TRIM24: variants seen among roughly 807,000 people sequenced by gnomAD.
TRIM24 encodes the protein tripartite motif containing 24, also known as transcription intermediary factor 1-alpha.
Under a neutral mutation model 123.9 loss-of-function variants are expected in TRIM24, and 29 were observed. The ratio of observed to expected loss-of-function variants is 0.23; its 90% CI spans 0.17 to 0.32. The LOEUF is 0.32. Ranked by LOEUF, TRIM24 falls within the 10% of genes least tolerant of loss-of-function variation. TRIM24 has a pLI of 1.00. For synonymous variants in TRIM24, 456 were observed against 461.1 expected (o/e 0.99, Z 0.14); for missense variants, 932 against 1,295.3 (o/e 0.72, Z 4.31).
chr7:138,537,227 C>T (rs940974733), intron 6 of TRIM24, among the ~76,000 whole-genome samples: 8 of 152,056 alleles, frequency 5.3e-5, no homozygotes, highest in African/African-American at 1.4e-4. Flanking sequence ...CGGTCCTGCA[C>T]CCACTGTCCG....
At chr7:138,547,699 G>A (rs975913371) in intron 7 of TRIM24, among the ~76,000 whole-genome samples, 6 of 152,022 alleles carry the variant, frequency 3.9e-5, no homozygotes, top group East Asian at 1.9e-4. Flanking sequence ...TTTTAGAGAC[G>A]GAGCTTCCCT....
At chr7:138,578,532 TTGTGTGTGTGTGTGTGTGTG>T (rs142839380) in intron 14 of TRIM24, among the ~76,000 whole-genome samples, 2 of 146,790 alleles carry the variant, frequency 1.4e-5, no homozygotes, top group African/African-American at 2.5e-5. Context: ...GGTGGTGGTT[TTGTGTGTGTGTGTGTGTGTG>T]TGTGTGTGTG....
chr7:138,568,376 CTCCTTTTTT>C lies in TRIM24; in HGVS notation c.1704+724_1704+732del, dbSNP rs1397072426. Among the ~76,000 whole-genome samples, 19 of 90,640 alleles carry C rather than the reference CTCCTTTTTT, an allele frequency of 2.1e-4. No individual in the cohort carries two copies. In the East Asian group the frequency reaches 6.4e-3, roughly 30 times the overall value. The allele number at this position is 90,640 out of a possible 152,430, so 59.5% of individuals were successfully genotyped here. ...AAACTCGTAAGCCACCGTACCTGGC[CTCCTTTTTT>C]TTTTTTTTTTTTTTTTTTTTTTTTA... On this transcript the variant is annotated intron_variant, in intron 10 of 18. Coordinates refer to ENST00000343526, the MANE Select transcript of TRIM24 (RefSeq NM_015905.3).
chr7:138,524,136 A>G (rs1796562070), intron 4 of TRIM24, among the ~76,000 whole-genome samples: 1 of 152,232 alleles, frequency 6.6e-6, no homozygotes. Flanking sequence ...GTATATGCCT[A>G]TCTCAATAGA....
Position 138,585,061 on chromosome 7 carries a change from C to A in TRIM24, c.*110C>A, listed in dbSNP as rs371440238. ...AAGAAGAGTTTGTGACTATTCTCAT[C>A]TCTGTTTTGGACGTTTACTAGACTT... On this transcript the variant is annotated 3_prime_UTR_variant, in exon 19 of 19. Transcript: ENST00000343526. 2.1e-6 allele frequency: 2 copies of A among 940,856 alleles called. No individual in the cohort carries two copies. The highest frequency in any genetic ancestry group is 2.7e-5 in the East Asian group (1 of 36,842). The allele number at this position is 940,856 out of a possible 1,614,324, so 58.3% of individuals were successfully genotyped here.
chr7:138,541,709 TTC>T (rs1176684737), intron 7 of TRIM24, among the ~76,000 whole-genome samples: 15 of 152,346 alleles, frequency 9.8e-5, no homozygotes, highest in East Asian at 7.7e-4. Context: ...ATGCATTGTC[TTC>T]TCTCTATGAA....
Position 138,580,590 on chromosome 7 carries a change from G to A in TRIM24, c.2614G>A (p.Asp872Asn). 6.2e-7 allele frequency: 1 copy of A among 1,613,120 alleles called. No individual in the cohort carries two copies. The highest frequency in any genetic ancestry group is 8.5e-7 in the Non-Finnish European group (1 of 1,179,454). ...AGAGTGGATTTGCACTTTCTGCCGA[G>A]ACTTATCTAAACCAGAAGTTGAATA... is the stretch of plus-strand genomic sequence containing the variant. ...SGEWICTFCRDLSKPEVEYDC... is the reference protein window; with the variant it reads ...SGEWICTFCRNLSKPEVEYDC... The change falls in exon 16 of 19, where the codon GAC (aspartate) becomes AAC (asparagine). Residue 872 changes from aspartate to asparagine, a missense_variant. Physicochemically the swap from Asp to Asn is conservative, Grantham distance 23. This residue lies in a region of TRIM24 where 45 missense variants were observed against 56.6 expected (regional missense o/e 0.80). Coordinates refer to ENST00000343526, the MANE Select transcript of TRIM24 (RefSeq NM_015905.3).
At chr7:138,493,334 T>C (rs1584697923) in intron 1 of TRIM24, among the ~76,000 whole-genome samples, 3 of 152,366 alleles carry the variant, frequency 2.0e-5, no homozygotes, top group African/African-American at 2.4e-5. Context: ...ACAATTTAAG[T>C]ATTACAATGT....
chr7:138,517,664 A>G (rs751957247), intron 3 of TRIM24, among the ~76,000 whole-genome samples: 8 of 152,098 alleles, frequency 5.3e-5, no homozygotes, highest in Non-Finnish European at 1.0e-4. Context: ...GTGAGCCACC[A>G]CGCCTGGTAT....
intron 14 of TRIM24, among the ~76,000 whole-genome samples, chr7:138,578,991 C>A (rs1797834939): frequency 6.6e-6 from 1 of 150,410 alleles, no homozygotes; most frequent in Admixed American, 6.6e-5. Context: ...TTTCTGTAGC[C>A]ATCCCCAGAC....
At chr7:138,548,000 G>A (rs555421049) in intron 7 of TRIM24, among the ~76,000 whole-genome samples, 2 of 152,268 alleles carry the variant, frequency 1.3e-5, no homozygotes, top group East Asian at 3.9e-4. Flanking sequence ...TGAATATAGG[G>A]TGTAAGAAAA....
At position 138,585,260 on chromosome 7, in the gene TRIM24, C is replaced by T. The variant is rs1477447718; in HGVS notation, c.*309C>T. The T allele has an allele frequency of 3.6e-6, 1 of 278,094 alleles. No homozygotes were observed. Among genetic ancestry groups the T allele is most frequent in the African/African-American group, 2.2e-5 (1 of 45,744 alleles). 17.2% of individuals were successfully genotyped at this position (278,094 alleles called of 1,614,324 possible). On this transcript the variant is annotated 3_prime_UTR_variant, in exon 19 of 19. Coordinates refer to ENST00000343526, the MANE Select transcript of TRIM24 (RefSeq NM_015905.3). ...CTTCCCACTTCTTGGATTTTTAAAC[C>T]ACAGTCTGGAGTGATAGCTACTGTA...
intron 16 of TRIM24, among the ~76,000 whole-genome samples, chr7:138,581,213 G>A (rs1238375199): frequency 4.6e-5 from 7 of 152,206 alleles, no homozygotes; most frequent in Admixed American, 1.3e-4. Flanking sequence ...TATGAAAGTT[G>A]TCATGCAAGA....
chr7:138,463,473 C>T (rs1795058717), intron 1 of TRIM24, among the ~76,000 whole-genome samples: 1 of 152,116 alleles, frequency 6.6e-6, no homozygotes, highest in Admixed American at 6.5e-5. Context: ...CTCAGGTGAT[C>T]CACCTGCCAC....
chr7:138,464,012 T>TTTTTTTTTTTTTTTTTTTTTTTA (rs1795076246), intron 1 of TRIM24, among the ~76,000 whole-genome samples: 1 of 137,162 alleles, frequency 7.3e-6, no homozygotes, highest in African/African-American at 2.7e-5. Flanking sequence ...TTTTTTTTTT[T>TTTTTTTTTTTTTTTTTTTTTTTA]GAGACGGAGT....
At chr7:138,547,540 A>G (rs1797126362) in intron 7 of TRIM24, among the ~76,000 whole-genome samples, 1 of 152,058 alleles carries the variant, frequency 6.6e-6, no homozygotes, top group African/African-American at 2.4e-5. Flanking sequence ...TTTAAAAATA[A>G]ATTATTAAAT....
intron 4 of TRIM24, among the ~76,000 whole-genome samples, chr7:138,521,109 T>C (rs989643961): frequency 6.6e-6 from 1 of 152,192 alleles, no homozygotes; most frequent in Non-Finnish European, 1.5e-5. Context: ...TCTTTAAATA[T>C]GAAGGTGGTT....
At chr7:138,479,221 G>A (rs1159968557) in intron 1 of TRIM24, among the ~76,000 whole-genome samples, 1 of 152,058 alleles carries the variant, frequency 6.6e-6, no homozygotes, top group Non-Finnish European at 1.5e-5. Flanking sequence ...GGAAACACAT[G>A]TACAATTAAC....
intron 1 of TRIM24, chr7:138,461,258 C>T (rs1489191717): frequency 1.2e-5 from 7 of 585,424 alleles, no homozygotes; most frequent in East Asian, 4.2e-5. Flanking sequence ...CGGCTGCAGC[C>T]AGTTAACTGC....
Sources: gnomAD v4.1 joint callset for allele counts (sites outside exome capture counted in the v4.1 genomes callset) on GRCh38, gnomAD v4.1.1 for gene constraint, gnomAD v4.1.1 regional missense constraint, MANE v1.5 for transcripts, NCBI Gene and HGNC (gene_info 2026-07-23, HGNC 2026-07-21) for gene names.